Variants in AGBL1 observed in about 807,000 individuals in gnomAD.
The protein encoded by AGBL1 is AGBL carboxypeptidase 1.
AGBL1 carries 130 observed loss-of-function variants against 118.9 expected under a neutral mutation model. That is an observed-to-expected ratio of 1.09 (90% CI 0.95 to 1.26). The LOEUF is 1.26. Among genes scored for constraint, AGBL1 ranks in the 50% most tolerant of loss-of-function variants. The probability of loss-of-function intolerance (pLI) is 0.00; values close to 1 mark genes in which losing one functional copy is unlikely to be tolerated. For synonymous variants in AGBL1, 555 were observed against 478.9 expected, an observed-to-expected ratio of 1.16 and a Z score of -2.08; for missense variants, 1,584 against 1,298.1, an observed-to-expected ratio of 1.22 and a Z score of -3.38.
rs1205939415 is a variant in AGBL1 at position 86,287,920 on chromosome 15, A to G, written c.2221-7335A>G. Among the ~76,000 whole-genome samples, 9 of 152,314 alleles carry G rather than the reference A, an allele frequency of 5.9e-5. No homozygotes were observed. In the East Asian group the frequency reaches 1.3e-3, roughly 23 times the overall value. ...TTTTTCTTCTAACAGTTCACAATGC[A>G]TATTGAAATATTAAAGAATCTGAAG... is the stretch of plus-strand genomic sequence containing the variant. On this transcript the variant is annotated intron_variant, in intron 16 of 22. Transcript: ENST00000614907.
At chr15:86,354,672 G>A (rs2080684299) in intron 17 of AGBL1, among the ~76,000 whole-genome samples, 1 of 152,282 alleles carries the variant, frequency 6.6e-6, no homozygotes, top group Non-Finnish European at 1.5e-5. Flanking sequence ...CCATTGTGGA[G>A]GTCAGATCAT....
intron 18 of AGBL1, among the ~76,000 whole-genome samples, chr15:86,440,511 T>TAATAATAATAATAAC (rs1260737618): frequency 1.3e-5 from 2 of 151,030 alleles, no homozygotes; most frequent in South Asian, 2.1e-4. Context: ...ATAATAATAA[T>TAATAATAATAATAAC]AACAGTTAAT....
intron 22 of AGBL1, among the ~76,000 whole-genome samples, chr15:86,887,805 A>G (rs1237397043): frequency 3.3e-5 from 5 of 152,132 alleles, no homozygotes; most frequent in African/African-American, 1.2e-4. Context: ...CTCCAATTGA[A>G]TTAGTATAAA....
rs1423309986 is a variant in AGBL1 at position 86,625,382 on chromosome 15, TTTG to T, written c.2995-48888_2995-48886del. ...AAATTAGCGTTTTTTTTTTTTTGTT[TTTG>T]TTTTTTTTTTTTTTTACAAACACAG... On this transcript the variant is annotated intron_variant, in intron 21 of 22. Transcript: ENST00000614907. Among the ~76,000 whole-genome samples the T allele has an allele frequency of 1.4e-3, 54 of 38,586 alleles. 7 individuals carry two copies. The East Asian group carries it at 0.016, about 12-fold the overall frequency. 25.3% of individuals were successfully genotyped at this position (38,586 alleles called of 152,430 possible).
At chr15:86,350,460 A>G (rs1452763900) in intron 17 of AGBL1, among the ~76,000 whole-genome samples, 2 of 152,232 alleles carry the variant, frequency 1.3e-5, no homozygotes, top group Non-Finnish European at 2.9e-5. Flanking sequence ...GATAATATGA[A>G]GTGAGCATGT....
At chr15:86,578,872 C>G (rs28729364) in intron 21 of AGBL1, among the ~76,000 whole-genome samples, 1 of 152,108 alleles carries the variant, frequency 6.6e-6, no homozygotes, top group Non-Finnish European at 1.5e-5. Context: ...TGAAATTGCT[C>G]AGTCTCGGGT....
At chr15:86,996,332 C>G (rs187320378) in intron 24 of AGBL1, among the ~76,000 whole-genome samples, 3 of 152,290 alleles carry the variant, frequency 2.0e-5, no homozygotes, top group East Asian at 3.9e-4. Context: ...ACTAAGCCCC[C>G]CTCCCAAGGA....
At chr15:86,952,478 G>C (rs2080889574) in intron 23 of AGBL1, among the ~76,000 whole-genome samples, 1 of 151,960 alleles carries the variant, frequency 6.6e-6, no homozygotes, top group Non-Finnish European at 1.5e-5. Context: ...ATTAAAACTG[G>C]TATCTTGCTA....
intron 5 of AGBL1, among the ~76,000 whole-genome samples, chr15:86,189,604 C>T (rs2077685720): frequency 6.6e-6 from 1 of 152,122 alleles, no homozygotes; most frequent in African/African-American, 2.4e-5. Context: ...AAGAGCCTGG[C>T]ACTTCCCTCC....
chr15:86,082,701 C>T (rs1350479927), intron 1 of AGBL1, among the ~76,000 whole-genome samples: 4 of 152,148 alleles, frequency 2.6e-5, no homozygotes, highest in Non-Finnish European at 4.4e-5. Flanking sequence ...AGTGGTTTTC[C>T]CTACCACAAC....
At chr15:86,337,711 G>C (rs1471689897) in intron 17 of AGBL1, among the ~76,000 whole-genome samples, 2 of 152,126 alleles carry the variant, frequency 1.3e-5, no homozygotes, top group African/African-American at 4.8e-5. Flanking sequence ...TGTCGAGGGA[G>C]GGTGGAGGGT....
chr15:86,283,525 A>C (rs1163099182), intron 16 of AGBL1, among the ~76,000 whole-genome samples: 1 of 152,044 alleles, frequency 6.6e-6, no homozygotes, highest in Non-Finnish European at 1.5e-5. Context: ...AGAAAGAAGA[A>C]GAAAGAAAGA....
intron 22 of AGBL1, among the ~76,000 whole-genome samples, chr15:86,892,751 G>GA (rs903305100): frequency 3.2e-4 from 49 of 151,000 alleles, no homozygotes; most frequent in African/African-American, 8.0e-4. Context: ...CTGGAGTTAA[G>GA]AAAAAAAAAC....
At chr15:86,950,255 A>G (rs1299718650) in intron 23 of AGBL1, among the ~76,000 whole-genome samples, 17 of 151,694 alleles carry the variant, frequency 1.1e-4, no homozygotes, top group Non-Finnish European at 1.5e-5. Flanking sequence ...TAATCAGTTA[A>G]CCCCAAATAA....
At position 86,399,314 on chromosome 15, in the gene AGBL1, C is replaced by T. The variant is rs144026178; in HGVS notation, c.2555+1768C>T. ...CCTGCTTGAGCAGCCAAAGATTTTACTAGCAAACTTTCTCAGCCTAAATGG... is the reference window on the plus strand; with the variant it reads ...CCTGCTTGAGCAGCCAAAGATTTTATTAGCAAACTTTCTCAGCCTAAATGG... On this transcript the variant is annotated intron_variant, in intron 18 of 22. Transcript: ENST00000614907. 2.0e-5 allele frequency among the ~76,000 whole-genome samples: 3 copies of T among 152,286 alleles called. No individual in the cohort carries two copies. The East Asian group carries it at 5.8e-4, about 29-fold the overall frequency.
chr15:87,005,432 C>T (rs1387575383), intron 24 of AGBL1, among the ~76,000 whole-genome samples: 1 of 152,128 alleles, frequency 6.6e-6, no homozygotes, highest in East Asian at 1.9e-4. Flanking sequence ...CACTTCGTTT[C>T]ATTCATTTGA....
At chr15:86,739,722 C>T (rs2077650991) in intron 22 of AGBL1, among the ~76,000 whole-genome samples, 1 of 152,126 alleles carries the variant, frequency 6.6e-6, no homozygotes, top group South Asian at 2.1e-4. Context: ...ATCATTATTA[C>T]TTTTATCATT....
intron 17 of AGBL1, among the ~76,000 whole-genome samples, chr15:86,333,711 A>G (rs140766440): frequency 2.5e-4 from 38 of 152,148 alleles, no homozygotes; most frequent in African/African-American, 8.7e-4. Context: ...TGATACCAAA[A>G]CCTGGCAAAG....
rs374703938 is a variant in AGBL1, at chr15:86,257,948, C to T, written c.902-16C>T. On this transcript the variant is annotated splice_polypyrimidine_tract_variant and intron_variant, in intron 8 of 22. Transcript: ENST00000614907. ...AGGGGAAACTTCACTTATTTCACCT[C>T]TTTTTCCCCATCCAGAGGATTTTGA... The T allele has an allele frequency of 3.7e-6, 6 of 1,612,412 alleles. No homozygotes were observed. In the South Asian group the frequency reaches 6.6e-5, roughly 18 times the overall value.
Sources: allele counts gnomAD v4.1 joint callset (sites outside exome capture counted in the v4.1 genomes callset), GRCh38; gene constraint gnomAD v4.1.1; transcripts MANE v1.5; gene names NCBI Gene and HGNC (gene_info 2026-07-23, HGNC 2026-07-21).